PPFIA2: variants seen among roughly 807,000 people sequenced by gnomAD.
PPFIA2 encodes the protein liprin-alpha-2.
In PPFIA2, 46 loss-of-function variants were observed where a neutral mutation model predicts 175.5. The observed-to-expected ratio is 0.26, with a 90% CI of 0.21 to 0.34. The LOEUF (loss-of-function observed/expected upper bound fraction) is 0.34, where lower values mean the gene tolerates loss of function less well. PPFIA2 is among the 10% of genes least tolerant of loss of function. PPFIA2 has a pLI of 1.00. For synonymous variants in PPFIA2, 568 were observed against 511.4 expected (o/e 1.11, Z -1.49); for missense variants, 1,179 against 1,506.1 (o/e 0.78, Z 3.60).
intron 4 of PPFIA2, among the ~76,000 whole-genome samples, chr12:81,643,264 G>A (rs934141560): frequency 6.6e-6 from 1 of 151,604 alleles, no homozygotes; most frequent in Non-Finnish European, 1.5e-5. Flanking sequence ...CTCTCTGAAG[G>A]ATAGGTTTTC....
intron 7 of PPFIA2, among the ~76,000 whole-genome samples, chr12:81,427,652 G>A (rs2047380617): frequency 6.6e-6 from 1 of 151,920 alleles, no homozygotes; most frequent in South Asian, 2.1e-4. Flanking sequence ...AAAGTACAGA[G>A]TACTACTATC....
At chr12:81,687,493 C>T (rs560594481) in intron 3 of PPFIA2, 172 of 152,088 alleles carry the variant, frequency 1.1e-3, no homozygotes, top group African/African-American at 3.9e-3. Flanking sequence ...TCCCTCAGAC[C>T]GAAGGGAGGG....
In PPFIA2 at chr12:81,374,646, T is replaced by C. The variant is rs2035947872; in HGVS notation, c.1254A>G (p.Ala418=). The C allele has an allele frequency of 6.2e-7, 1 of 1,612,612 alleles. No individual in the cohort carries two copies. The highest frequency in any genetic ancestry group is 8.5e-7 in the Non-Finnish European group (1 of 1,179,256). ...EVEAELAQRI[A]ALTKAEERHG... The stretch of plus-strand genomic sequence containing the variant: ...TCTAGTGCAGTACCTTGGTTAGGGC[T>C]GCAATTCTCTGAGCCAGTTCAGCCT... Residue 418 remains alanine (A), a synonymous_variant, in exon 11 of 33, where the codon GCA becomes GCG. Coordinates refer to ENST00000549396, the MANE Select transcript of PPFIA2 (RefSeq NM_003625.5).
chr12:81,299,433 G>C (rs2047278825), intron 22 of PPFIA2, 51 bp from the exon 23 acceptor site: 2 of 1,522,340 alleles, frequency 1.3e-6, no homozygotes, highest in Admixed American at 2.1e-5. Flanking sequence ...AAATATGGCT[G>C]TGATTATTTT....
intron 4 of PPFIA2, among the ~76,000 whole-genome samples, chr12:81,510,874 T>C (rs2061707229): frequency 6.6e-6 from 1 of 152,106 alleles, no homozygotes; most frequent in African/African-American, 2.4e-5. Flanking sequence ...TTCACCCACA[T>C]GAAACATTAA....
At chr12:81,505,686 A>G (rs191091269) in intron 4 of PPFIA2, 39 of 152,312 alleles carry the variant, frequency 2.6e-4, no homozygotes, top group African/African-American at 7.7e-4. Flanking sequence ...GTTCCACACA[A>G]TGAGTTCCCT....
intron 3 of PPFIA2, among the ~76,000 whole-genome samples, chr12:81,717,301 A>G (rs2153624594): frequency 6.6e-6 from 1 of 151,748 alleles, no homozygotes; most frequent in South Asian, 2.1e-4. Flanking sequence ...TGTTCTTTTC[A>G]ACCCTTTAAA....
At chr12:81,398,431 T>A (rs568535696) in intron 8 of PPFIA2, among the ~76,000 whole-genome samples, 80 of 152,180 alleles carry the variant, frequency 5.3e-4, no homozygotes, top group Non-Finnish European at 9.0e-4. Context: ...TATTTTGAAA[T>A]CTATAAAATC....
chr12:81,456,175 G>A (rs1424197609), intron 5 of PPFIA2, among the ~76,000 whole-genome samples: 2 of 152,022 alleles, frequency 1.3e-5, no homozygotes, highest in Non-Finnish European at 2.9e-5. Context: ...TAAATGTCAT[G>A]GTATAAATAA....
chr12:81,456,503 T>C (rs1268320466), intron 5 of PPFIA2, among the ~76,000 whole-genome samples: 3 of 152,210 alleles, frequency 2.0e-5, no homozygotes, highest in Admixed American at 6.5e-5. Flanking sequence ...AGCTCCCAGT[T>C]AGTAGAACTG....
intron 4 of PPFIA2, among the ~76,000 whole-genome samples, chr12:81,569,382 A>G (rs2072031623): frequency 6.6e-6 from 1 of 152,196 alleles, no homozygotes; most frequent in Non-Finnish European, 1.5e-5. Context: ...AGTAATGTGC[A>G]TTTACTCCAC....
intron 4 of PPFIA2, among the ~76,000 whole-genome samples, chr12:81,649,355 C>T (rs898954622): frequency 6.6e-6 from 1 of 152,092 alleles, no homozygotes; most frequent in Non-Finnish European, 1.5e-5. Context: ...ATGGAAAGTG[C>T]AAACTGAATA....
chr12:81,520,082 T>C (rs1214216582), intron 4 of PPFIA2, among the ~76,000 whole-genome samples: 1 of 152,200 alleles, frequency 6.6e-6, no homozygotes, highest in African/African-American at 2.4e-5. Flanking sequence ...GTCTATGTGA[T>C]AAGATGGAAT....
intron 22 of PPFIA2, among the ~76,000 whole-genome samples, chr12:81,305,481 T>TA (rs1457457073): frequency 6.6e-6 from 1 of 152,178 alleles, no homozygotes; most frequent in Non-Finnish European, 1.5e-5. Flanking sequence ...GATCTGCCCC[T>TA]AAATTGCATT....
rs529481145 is a variant in PPFIA2 at position 81,636,392 on chromosome 12, A to G, written c.303+40399T>C. Among the ~76,000 whole-genome samples, 547 of 149,514 alleles carry G rather than the reference A, an allele frequency of 3.7e-3. 1 individual carries two copies. Among genetic ancestry groups the G allele is most frequent in the African/African-American group, 0.013 (511 of 40,618 alleles). ...GCCATTCTCCTGCCTCAGCCTCCCG[A>G]GTAGCTGGGACTACAGGCGCCCGCT... On this transcript the variant is annotated intron_variant, in intron 4 of 32. Coordinates refer to ENST00000549396, the MANE Select transcript of PPFIA2 (RefSeq NM_003625.5).
intron 4 of PPFIA2, among the ~76,000 whole-genome samples, chr12:81,648,237 A>G (rs1171629054): frequency 6.6e-6 from 1 of 151,878 alleles, no homozygotes; most frequent in Non-Finnish European, 1.5e-5. Context: ...ACATACAAAA[A>G]AACTTTTAGA....
intron 4 of PPFIA2, among the ~76,000 whole-genome samples, chr12:81,510,032 G>T (rs2061603434): frequency 6.6e-6 from 1 of 151,980 alleles, no homozygotes; most frequent in South Asian, 2.1e-4. Context: ...TTCACGTTTT[G>T]GTTTCTTCAG....
chr12:81,486,302 C>T lies in PPFIA2; in HGVS notation c.304-28436G>A, dbSNP rs546270129. On this transcript the variant is annotated intron_variant, in intron 4 of 32. Coordinates refer to ENST00000549396, the MANE Select transcript of PPFIA2 (RefSeq NM_003625.5). ...TGTCTTATGTGGCAGAATTAGTACT[C>T]GAACCCAGCTAGCTGGTAACAAAAG... Among the ~76,000 whole-genome samples, 6 of 151,866 alleles carry T rather than the reference C, an allele frequency of 4.0e-5. No individual in the cohort carries two copies. The South Asian group carries it at 1.2e-3, about 32-fold the overall frequency.
intron 4 of PPFIA2, among the ~76,000 whole-genome samples, chr12:81,618,258 T>A (rs902633420): frequency 1.5e-5 from 2 of 130,356 alleles, no homozygotes; most frequent in Non-Finnish European, 3.2e-5. Flanking sequence ...TAAATCTGTG[T>A]GTGTGTGTGT....
Sources: gnomAD v4.1 joint callset for allele counts (sites outside exome capture counted in the v4.1 genomes callset) on GRCh38, gnomAD v4.1.1 for gene constraint, MANE v1.5 for transcripts, NCBI Gene and HGNC (gene_info 2026-07-23, HGNC 2026-07-21) for gene names.